COL5A2: variants seen among roughly 807,000 people sequenced by gnomAD.
COL5A2 encodes the protein collagen alpha-2(V) chain.
Under a neutral mutation model 208.2 loss-of-function variants are expected in COL5A2, and 23 were observed. The observed-to-expected ratio is 0.11, with a 90% CI of 0.08 to 0.16. The LOEUF (loss-of-function observed/expected upper bound fraction) is 0.16. COL5A2 is among the 10% of genes least tolerant of loss of function. The pLI is 1.00. For synonymous variants in COL5A2, 625 were observed against 628.5 expected (o/e 0.99, Z 0.08); for missense variants, 1,590 against 1,956.4 (o/e 0.81, Z 3.53).
the COL5A2 span, among the ~76,000 whole-genome samples, chr2:189,423,807 TCC>T: frequency 2.6e-5 from 4 of 151,942 alleles, no homozygotes; most frequent in African/African-American, 9.7e-5. Flanking sequence ...TTAATACCAA[TCC>T]TTCTCAAACT....
chr2:189,433,069 T>A, the COL5A2 span, among the ~76,000 whole-genome samples: 1 of 152,126 alleles, frequency 6.6e-6, no homozygotes, highest in Non-Finnish European at 1.5e-5. Context: ...AACAACCTGA[T>A]CCTGAATGAC....
the COL5A2 span, among the ~76,000 whole-genome samples, chr2:189,405,860 T>G: frequency 6.6e-6 from 1 of 152,242 alleles, no homozygotes; most frequent in Non-Finnish European, 1.5e-5. Flanking sequence ...AAAACCCATG[T>G]CAAGACTTAG....
chr2:189,384,188 G>A, the COL5A2 span, among the ~76,000 whole-genome samples: 1 of 151,740 alleles, frequency 6.6e-6, no homozygotes, highest in African/African-American at 2.4e-5. Context: ...TTTATATCTC[G>A]GCTACTGTGA....
chr2:189,106,849 C>T (rs1687160286), intron 2 of COL5A2, among the ~76,000 whole-genome samples: 1 of 151,402 alleles, frequency 6.6e-6, no homozygotes, highest in African/African-American at 2.4e-5. Flanking sequence ...CATATACTTT[C>T]TCTTCATAGA....
chr2:189,381,863 T>C, the COL5A2 span, among the ~76,000 whole-genome samples: 3 of 152,136 alleles, frequency 2.0e-5, no homozygotes, highest in African/African-American at 7.2e-5. Flanking sequence ...AGATAGAAAA[T>C]AGTATTATAA....
the COL5A2 span, among the ~76,000 whole-genome samples, chr2:189,301,727 G>A: frequency 6.6e-6 from 1 of 152,068 alleles, no homozygotes; most frequent in Admixed American, 6.6e-5. Flanking sequence ...GAATGCAGAA[G>A]AAACCACAAA....
chr2:189,399,889 C>T, the COL5A2 span, among the ~76,000 whole-genome samples: 3 of 152,016 alleles, frequency 2.0e-5, no homozygotes, highest in East Asian at 5.8e-4. Context: ...TTTGTAGAGA[C>T]AGGGTCCCAT....
At chr2:189,223,325 C>G (rs1689371056) in intron 1 of COL5A2, among the ~76,000 whole-genome samples, 1 of 152,158 alleles carries the variant, frequency 6.6e-6, no homozygotes, top group Non-Finnish European at 1.5e-5. Context: ...ATGCAAATAG[C>G]TAGCCTGGCC....
At chr2:189,267,913 A>G in the COL5A2 span, among the ~76,000 whole-genome samples, 2 of 152,196 alleles carry the variant, frequency 1.3e-5, no homozygotes, top group African/African-American at 4.8e-5. Flanking sequence ...GTGCTTTTTT[A>G]TCAATCCATT....
At chr2:189,407,945 G>A in the COL5A2 span, among the ~76,000 whole-genome samples, 2 of 152,072 alleles carry the variant, frequency 1.3e-5, no homozygotes, top group African/African-American at 2.4e-5. Flanking sequence ...TCCAGACCTC[G>A]TTATGGCAAG....
intron 1 of COL5A2, among the ~76,000 whole-genome samples, chr2:189,200,254 G>C (rs1024308788): frequency 3.6e-4 from 55 of 152,220 alleles, no homozygotes; most frequent in Non-Finnish European, 6.9e-4. Flanking sequence ...TTGGAGAATA[G>C]GGAGGCAGAA....
intron 49 of COL5A2, 122 bp from the exon 50 acceptor site, chr2:189,041,815 T>A (rs1685567974): frequency 9.1e-6 from 6 of 659,054 alleles, no homozygotes; most frequent in Non-Finnish European, 1.6e-5. Context: ...TTCATTTTCT[T>A]ACTGATTAAT....
intron 18 of COL5A2, 103 bp downstream of exon 18, chr2:189,071,937 A>G (rs1686283510): frequency 1.3e-6 from 1 of 777,504 alleles, no homozygotes; most frequent in African/African-American, 1.7e-5. Flanking sequence ...TCCTTAGTTA[A>G]AAGTAACTTT....
At chr2:189,322,035 A>G in the COL5A2 span, among the ~76,000 whole-genome samples, 1 of 152,048 alleles carries the variant, frequency 6.6e-6, no homozygotes, top group Non-Finnish European at 1.5e-5. Context: ...ACTCAAAACC[A>G]CTCAATTACA....
intron 1 of COL5A2, among the ~76,000 whole-genome samples, chr2:189,138,728 A>G (rs1216901585): frequency 7.2e-5 from 11 of 152,196 alleles, no homozygotes; most frequent in Non-Finnish European, 2.9e-5. Flanking sequence ...CATACACACA[A>G]AAAAGCCCAC....
At chr2:189,291,943 TAGAG>T in the COL5A2 span, among the ~76,000 whole-genome samples, 2 of 152,326 alleles carry the variant, frequency 1.3e-5, no homozygotes, top group African/African-American at 4.8e-5. Flanking sequence ...GTTATAAAAA[TAGAG>T]AGTCTAATTC....
intron 1 of COL5A2, among the ~76,000 whole-genome samples, chr2:189,199,067 T>C (rs982979971): frequency 6.6e-6 from 1 of 152,200 alleles, no homozygotes; most frequent in Non-Finnish European, 1.5e-5. Flanking sequence ...CTATTATTTA[T>C]CCTTTCATAT....
intron 1 of COL5A2, among the ~76,000 whole-genome samples, chr2:189,191,170 C>CCAAAAA (rs1559142114): frequency 3.7e-5 from 5 of 134,996 alleles, no homozygotes; most frequent in African/African-American, 1.3e-4. Context: ...AAACAAACAA[C>CCAAAAA]AAAAAACAAC....
At chr2:189,227,614 A>T (rs1448816104), upstream of COL5A2, among the ~76,000 whole-genome samples, 4 of 152,154 alleles carry the variant, frequency 2.6e-5, no homozygotes, top group Admixed American at 6.6e-5. Context: ...CTGTAACAAG[A>T]AGCAAAGAAT....
Sources: allele counts gnomAD v4.1 joint callset (sites outside exome capture counted in the v4.1 genomes callset), GRCh38; gene constraint gnomAD v4.1.1; transcripts MANE v1.5; gene names NCBI Gene and HGNC (gene_info 2026-07-23, HGNC 2026-07-21).